GCNT2: variants seen among roughly 807,000 people sequenced by gnomAD.
GCNT2 encodes glucosaminyl (N-acetyl) transferase 2 (I blood group).
A neutral mutation model predicts 34.2 loss-of-function variants in GCNT2; 34 were observed. The observed-to-expected ratio is 1.00, with a 90% CI of 0.76 to 1.32. The LOEUF is 1.32. GCNT2 is among the 40% of genes most tolerant of loss of function. The pLI, the probability that GCNT2 is intolerant of heterozygous loss-of-function variation, is 0.00. For synonymous variants in GCNT2, 212 were observed against 188.0 expected, an observed-to-expected ratio of 1.13 and a Z score of -1.04; for missense variants, 584 against 489.4, an observed-to-expected ratio of 1.19 and a Z score of -1.82.
chr6:10,538,857 T>G (rs990390357), intron 3 of GCNT2, among the ~76,000 whole-genome samples: 4 of 152,172 alleles, frequency 2.6e-5, no homozygotes, highest in Non-Finnish European at 4.4e-5. Flanking sequence ...TTTAATATTC[T>G]GTTGCTCCTT....
At chr6:10,582,195 A>ATTGAAAT (rs1561816050) in intron 3 of GCNT2, among the ~76,000 whole-genome samples, 1 of 125,802 alleles carries the variant, frequency 7.9e-6, no homozygotes, top group South Asian at 2.2e-4. Context: ...ATTTTTATAT[A>ATTGAAAT]ATATATAAAA....
chr6:10,624,537 G>C (rs1411856475), intron 4 of GCNT2, among the ~76,000 whole-genome samples: 1 of 152,186 alleles, frequency 6.6e-6, no homozygotes, highest in Non-Finnish European at 1.5e-5. Flanking sequence ...AATTATGGGA[G>C]CTGCAATTCA....
intron 3 of GCNT2, among the ~76,000 whole-genome samples, chr6:10,593,886 G>A (rs537565419): frequency 1.7e-3 from 257 of 152,222 alleles, no homozygotes; most frequent in Non-Finnish European, 2.5e-3. Flanking sequence ...TCAGGTAAAC[G>A]ACTTTGGAGA....
chr6:10,534,869 GATAA>G (rs1281725864), intron 3 of GCNT2, among the ~76,000 whole-genome samples: 7 of 152,060 alleles, frequency 4.6e-5, no homozygotes, highest in South Asian at 2.1e-4. Context: ...TCAAAAAATG[GATAA>G]ATAAATAAGC....
At position 10,607,121 on chromosome 6, in the gene GCNT2, TA is replaced by T. The variant is rs374197812; in HGVS notation, c.926-14229del. Among the ~76,000 whole-genome samples, 416 of 152,148 alleles carry T rather than the reference TA, an allele frequency of 2.7e-3. 3 individuals carry two copies. Among genetic ancestry groups the T allele is most frequent in the African/African-American group, 8.7e-3 (361 of 41,500 alleles). ...ACCACCACACCCAGCTAATTTTTTG[TA>T]TTTTTAGTAGAGACGGGGTTTCACC... On this transcript the variant is annotated intron_variant, in intron 3 of 4. Transcript: ENST00000495262.
intron 1 of GCNT2, among the ~76,000 whole-genome samples, chr6:10,526,377 G>A (rs182624565): frequency 4.1e-4 from 63 of 152,218 alleles, no homozygotes; most frequent in Non-Finnish European, 1.0e-4. Context: ...TCCTGACACC[G>A]TGAAATGGGG....
At chr6:10,569,149 T>G (rs1202961811) in intron 3 of GCNT2, among the ~76,000 whole-genome samples, 1 of 151,620 alleles carries the variant, frequency 6.6e-6, no homozygotes. Flanking sequence ...GAAATAATTT[T>G]AGGATGTTGG....
At chr6:10,560,830 A>C (rs553811164) in intron 3 of GCNT2, among the ~76,000 whole-genome samples, 1 of 152,200 alleles carries the variant, frequency 6.6e-6, no homozygotes, top group African/African-American at 2.4e-5. Context: ...AAATGGTGAT[A>C]CAACAGGCCA....
At chr6:10,541,754 C>G (rs1187952757) in intron 3 of GCNT2, among the ~76,000 whole-genome samples, 1 of 152,100 alleles carries the variant, frequency 6.6e-6, no homozygotes, top group Non-Finnish European at 1.5e-5. Flanking sequence ...ACCTCTTTGC[C>G]TTTGAGCTAG....
At chr6:10,543,238 C>T (rs989171917) in intron 3 of GCNT2, among the ~76,000 whole-genome samples, 1 of 150,378 alleles carries the variant, frequency 6.6e-6, no homozygotes, top group Non-Finnish European at 1.5e-5. Flanking sequence ...GAGTCTCGCT[C>T]TGTCGCCCAG....
Position 10,528,762 on chromosome 6 carries a change from A to C in GCNT2, c.-150A>C. ...GGGAAGAAGAAAGAAAAAGGACCAGAACCGTGAACTGAAGGGACAGGGAAC... is the reference window on the plus strand; with the variant it reads ...GGGAAGAAGAAAGAAAAAGGACCAGCACCGTGAACTGAAGGGACAGGGAAC... On this transcript the variant is annotated 5_prime_UTR_variant, in exon 3 of 5. Coordinates refer to ENST00000495262, the MANE Select transcript of GCNT2 (RefSeq NM_145649.5). The C allele has an allele frequency of 2.8e-6, 2 of 707,474 alleles. No individual in the cohort carries two copies. Among genetic ancestry groups the C allele is most frequent in the Non-Finnish European group, 5.1e-6 (2 of 395,394 alleles). 43.8% of individuals were successfully genotyped at this position (707,474 alleles called of 1,614,324 possible). A position where few individuals can be genotyped will look rare whatever the true frequency, so the allele number is the denominator to read the frequency against.
intron 3 of GCNT2, among the ~76,000 whole-genome samples, chr6:10,564,551 A>G (rs1309796510): frequency 2.6e-5 from 4 of 152,142 alleles, no homozygotes; most frequent in Non-Finnish European, 4.4e-5. Context: ...ACATCTGTCA[A>G]CCTTGGTCTT....
At chr6:10,545,204 G>A (rs1762219049) in intron 3 of GCNT2, among the ~76,000 whole-genome samples, 1 of 151,874 alleles carries the variant, frequency 6.6e-6, no homozygotes, top group African/African-American at 2.4e-5. Flanking sequence ...ACGGTGAGCT[G>A]AAGGGTTCGT....
intron 1 of GCNT2, among the ~76,000 whole-genome samples, chr6:10,524,413 C>A (rs1444552741): frequency 6.6e-6 from 1 of 151,918 alleles, no homozygotes; most frequent in Non-Finnish European, 1.5e-5. Flanking sequence ...CCACCACGCC[C>A]GGCTAATTTT....
intron 3 of GCNT2, among the ~76,000 whole-genome samples, chr6:10,552,457 A>T (rs1762526719): frequency 1.3e-5 from 2 of 152,036 alleles, no homozygotes; most frequent in South Asian, 2.1e-4. Flanking sequence ...GGCGGGGGAA[A>T]AAGAGTGGTT....
intron 4 of GCNT2, among the ~76,000 whole-genome samples, chr6:10,623,572 G>A (rs1344656103): frequency 6.6e-6 from 1 of 152,182 alleles, no homozygotes; most frequent in Non-Finnish European, 1.5e-5. Flanking sequence ...TTACAGGCAT[G>A]AGCCACCGCA....
At chr6:10,584,088 C>T (rs541296494) in intron 3 of GCNT2, among the ~76,000 whole-genome samples, 3 of 152,140 alleles carry the variant, frequency 2.0e-5, no homozygotes, top group Non-Finnish European at 4.4e-5. Context: ...CACCGGTGCT[C>T]ACTTACTCTG....
intron 3 of GCNT2, among the ~76,000 whole-genome samples, chr6:10,592,942 C>T (rs1449579040): frequency 6.6e-6 from 1 of 151,962 alleles, no homozygotes; most frequent in Non-Finnish European, 1.5e-5. Flanking sequence ...GGGGTTTCAC[C>T]ATGTTGGCCA....
intron 3 of GCNT2, among the ~76,000 whole-genome samples, chr6:10,614,751 C>G (rs917576304): frequency 3.3e-5 from 5 of 152,124 alleles, no homozygotes; most frequent in Admixed American, 6.5e-5. Context: ...AGCATCCAGG[C>G]CCGTCTGATC....
Sources: gnomAD v4.1 joint callset for allele counts (sites outside exome capture counted in the v4.1 genomes callset) on GRCh38, gnomAD v4.1.1 for gene constraint, MANE v1.5 for transcripts, NCBI Gene and HGNC (gene_info 2026-07-23, HGNC 2026-07-21) for gene names.